TBL1X: variants seen among roughly 807,000 people sequenced by gnomAD.
The protein encoded by TBL1X is F-box-like/WD repeat-containing protein TBL1X.
Under a neutral mutation model 50.7 loss-of-function variants are expected in TBL1X, and 10 were observed. The observed-to-expected ratio is 0.20, with a 90% CI of 0.12 to 0.33. The LOEUF (loss-of-function observed/expected upper bound fraction) is 0.33. Among genes scored for constraint, TBL1X ranks in the 10% least tolerant of loss-of-function variants. The pLI is 1.00. For synonymous variants in TBL1X, 190 were observed against 214.7 expected (o/e 0.88, Z 1.01); for missense variants, 340 against 504.4 (o/e 0.67, Z 3.12).
intron 2 of TBL1X, among the ~76,000 whole-genome samples, chrX:9,518,724 ATCC>A (rs756543679): frequency 6.3e-4 from 70 of 110,935 alleles, no homozygotes; most frequent in Middle Eastern, 4.6e-3. Context: ...CTTTTTCTGT[ATCC>A]TCCTCAGTCA....
intron 2 of TBL1X, among the ~76,000 whole-genome samples, chrX:9,554,170 G>A (rs1373169078): frequency 4.5e-5 from 5 of 112,337 alleles, no homozygotes; most frequent in East Asian, 5.5e-4. Context: ...CATGAGCTAC[G>A]GTGCCCAGTC....
chrX:9,494,357 A>C (rs947642270), intron 1 of TBL1X, among the ~76,000 whole-genome samples: 7 of 111,399 alleles, frequency 6.3e-5, no homozygotes, highest in African/African-American at 2.3e-4. Flanking sequence ...GTCTGACATA[A>C]TTAAAGGCCG....
At chrX:9,547,081 G>A (rs2082248025) in intron 2 of TBL1X, among the ~76,000 whole-genome samples, 1 of 109,641 alleles carries the variant, frequency 9.1e-6, no homozygotes, top group Non-Finnish European at 1.9e-5. Flanking sequence ...GCCTCCCAAA[G>A]TGCTGGGATT....
chrX:9,701,693 G>C (rs976310773), intron 12 of TBL1X, among the ~76,000 whole-genome samples: 37 of 110,596 alleles, frequency 3.3e-4, no homozygotes, highest in African/African-American at 1.2e-3. Flanking sequence ...GGTTGAACCA[G>C]CTTGCTTTAG....
intron 3 of TBL1X, chrX:9,644,813 G>A (rs1013476017): frequency 9.0e-5 from 10 of 111,070 alleles, no homozygotes; most frequent in Admixed American, 2.9e-4. Context: ...GCGCCACAAC[G>A]CCCAGTTAAT....
intron 2 of TBL1X, among the ~76,000 whole-genome samples, chrX:9,613,376 C>T (rs2082623244): frequency 8.1e-5 from 9 of 111,511 alleles, no homozygotes. Context: ...GACCCCTTAC[C>T]ATTTCATTTC....
At chrX:9,555,617 C>T (rs1001406992) in intron 2 of TBL1X, among the ~76,000 whole-genome samples, 1 of 111,463 alleles carries the variant, frequency 9.0e-6, no homozygotes, top group Non-Finnish European at 1.9e-5. Context: ...TGAGGAACTG[C>T]CAAGCTGCTT....
intron 1 of TBL1X, among the ~76,000 whole-genome samples, chrX:9,495,212 GAGTC>G (rs2081965405): frequency 9.0e-6 from 1 of 111,592 alleles, no homozygotes; most frequent in Non-Finnish European, 1.9e-5. Context: ...TATGGGCAGA[GAGTC>G]TTCTCTGTGA....
intron 2 of TBL1X, among the ~76,000 whole-genome samples, chrX:9,639,621 CAG>C (rs747119820): frequency 1.8e-5 from 2 of 112,368 alleles, no homozygotes; most frequent in Non-Finnish European, 3.8e-5. Flanking sequence ...ACTTGTGAAA[CAG>C]AAATGTCTGA....
intron 1 of TBL1X, among the ~76,000 whole-genome samples, chrX:9,471,788 G>A (rs2081816781): frequency 9.0e-6 from 1 of 111,362 alleles, no homozygotes; most frequent in African/African-American, 3.3e-5. Context: ...TTGAATTCTT[G>A]TCATTTTTCC....
At chrX:9,640,516 TAGAC>T (rs1231939121) in intron 3 of TBL1X, among the ~76,000 whole-genome samples, 156 bp downstream of exon 3, 1 of 112,697 alleles carries the variant, frequency 8.9e-6, no homozygotes, top group Non-Finnish European at 1.9e-5. Flanking sequence ...TTGAAGGTAG[TAGAC>T]AGACAATCAT....
intron 1 of TBL1X, among the ~76,000 whole-genome samples, chrX:9,498,815 C>G (rs1046186416): frequency 8.9e-6 from 1 of 112,266 alleles, no homozygotes. Context: ...AGCTTGGTTT[C>G]CCCTTTGGGT....
intron 5 of TBL1X, among the ~76,000 whole-genome samples, chrX:9,658,211 C>T (rs919988161): frequency 8.1e-5 from 9 of 111,526 alleles, no homozygotes; most frequent in Admixed American, 1.9e-4. Context: ...ATTACCCAGT[C>T]TCAGGTATGT....
intron 5 of TBL1X, among the ~76,000 whole-genome samples, chrX:9,655,567 T>C (rs2082860626): frequency 8.9e-6 from 1 of 111,964 alleles, no homozygotes; most frequent in Non-Finnish European, 1.9e-5. Flanking sequence ...TGTGAATTTG[T>C]GGAGGAGGGG....
At chrX:9,558,539 A>T (rs762971166) in intron 2 of TBL1X, among the ~76,000 whole-genome samples, 22 of 108,564 alleles carry the variant, frequency 2.0e-4, no homozygotes, top group South Asian at 7.7e-4. Context: ...GAAGGAAAAA[A>T]AAATATATAT....
intron 1 of TBL1X, among the ~76,000 whole-genome samples, chrX:9,480,811 G>A (rs1427976079): frequency 2.3e-5 from 2 of 85,501 alleles, no homozygotes; most frequent in Non-Finnish European, 4.2e-5. Flanking sequence ...ATTAAATACT[G>A]TAAAGTCCAA....
At chrX:9,653,375 G>A (rs1369274868) in intron 3 of TBL1X, among the ~76,000 whole-genome samples, 170 bp from the exon 4 acceptor site, 2 of 112,420 alleles carry the variant, frequency 1.8e-5, no homozygotes, top group Admixed American at 1.9e-4. Context: ...ACTCTGTCTT[G>A]GCTGTCTCAC....
At chrX:9,484,130 G>A (rs780740424) in intron 1 of TBL1X, among the ~76,000 whole-genome samples, 1 of 110,105 alleles carries the variant, frequency 9.1e-6, no homozygotes, top group Admixed American at 9.7e-5. Flanking sequence ...TCAGCCTCCT[G>A]AGTAGTTGGG....
intron 7 of TBL1X, among the ~76,000 whole-genome samples, chrX:9,688,624 C>T (rs1270703615): frequency 8.9e-6 from 1 of 112,658 alleles, no homozygotes; most frequent in Non-Finnish European, 1.9e-5. Context: ...GGGTTTTTGG[C>T]CAAATTATGG....
Sources: gnomAD v4.1 joint callset for allele counts (sites outside exome capture counted in the v4.1 genomes callset) on GRCh38, gnomAD v4.1.1 for gene constraint, MANE v1.5 for transcripts, NCBI Gene and HGNC (gene_info 2026-07-23, HGNC 2026-07-21) for gene names.